Variants in TUBGCP3 observed in about 807,000 individuals in gnomAD.
TUBGCP3 encodes the protein gamma-tubulin complex component 3.
In TUBGCP3, 50 loss-of-function variants were observed where a neutral mutation model predicts 123.1. That is an observed-to-expected ratio of 0.41 (90% CI 0.32 to 0.51). The LOEUF (loss-of-function observed/expected upper bound fraction) is 0.51. Among genes scored for constraint, TUBGCP3 ranks in the 20% least tolerant of loss-of-function variants. TUBGCP3 has a pLI of 0.36. For missense variants in TUBGCP3, 882 were observed against 1,127.0 expected, an observed-to-expected ratio of 0.78 and a Z score of 3.11; for synonymous variants, 405 against 413.9, an observed-to-expected ratio of 0.98 and a Z score of 0.26.
intron 17 of TUBGCP3, among the ~76,000 whole-genome samples, chr13:112,505,668 G>A (rs1170636488): frequency 6.6e-6 from 1 of 152,238 alleles, no homozygotes; most frequent in Non-Finnish European, 1.5e-5. Context: ...AGCTTCGTCA[G>A]TAAAGAAAAG....
At chr13:112,525,687 T>C (rs1399722825) in intron 13 of TUBGCP3, among the ~76,000 whole-genome samples, 1 of 152,208 alleles carries the variant, frequency 6.6e-6, no homozygotes, top group Non-Finnish European at 1.5e-5. Context: ...GCCTCAGCAC[T>C]TCCCACAGGC....
intron 2 of TUBGCP3, 64 bp from the exon 3 acceptor site, chr13:112,565,242 T>C (rs1323910896): frequency 2.2e-5 from 31 of 1,388,748 alleles, no homozygotes; most frequent in Middle Eastern, 3.7e-4. Context: ...CTTATGATAC[T>C]ATTTCACCTA....
intron 1 of TUBGCP3, among the ~76,000 whole-genome samples, chr13:112,578,717 T>C (rs1438662097): frequency 6.6e-6 from 1 of 152,016 alleles, no homozygotes; most frequent in Non-Finnish European, 1.5e-5. Context: ...TGATCACCAA[T>C]AAATAGTCTG....
intron 16 of TUBGCP3, 109 bp downstream of exon 16, chr13:112,518,866 G>T: frequency 1.1e-6 from 1 of 901,964 alleles, no homozygotes; most frequent in South Asian, 1.4e-5. Flanking sequence ...CTTAGATGTC[G>T]AGTGATCACT....
At chr13:112,553,887 CA>C (rs1268322783) in intron 8 of TUBGCP3, among the ~76,000 whole-genome samples, 169 bp downstream of exon 8, 1 of 152,234 alleles carries the variant, frequency 6.6e-6, no homozygotes, top group East Asian at 1.9e-4. Context: ...GTGTCCTCAT[CA>C]GCACCTACTG....
intron 8 of TUBGCP3, 49 bp from the exon 9 acceptor site, chr13:112,548,225 T>C (rs1594180059): frequency 6.9e-7 from 1 of 1,450,116 alleles, no homozygotes; most frequent in Non-Finnish European, 9.5e-7. Flanking sequence ...CATTACACAT[T>C]GACTGATTTT....
chr13:112,556,436 T>C (rs1880053530), intron 5 of TUBGCP3, among the ~76,000 whole-genome samples: 1 of 152,178 alleles, frequency 6.6e-6, no homozygotes, highest in Non-Finnish European at 1.5e-5. Flanking sequence ...ACCCTTGGCC[T>C]AGCATTCGGA....
intron 2 of TUBGCP3, 41 bp downstream of exon 2, chr13:112,569,111 G>A: frequency 6.3e-7 from 1 of 1,597,410 alleles, no homozygotes; most frequent in Admixed American, 1.7e-5. Context: ...GCTCTGACGA[G>A]TTTAAGAATC....
intron 8 of TUBGCP3, among the ~76,000 whole-genome samples, chr13:112,552,762 G>C (rs955653033): frequency 6.7e-6 from 1 of 150,160 alleles, no homozygotes; most frequent in Non-Finnish European, 1.5e-5. Context: ...CTCCCCACCA[G>C]CCACGCTCCT....
chr13:112,587,469 C>T (rs1195697940), intron 1 of TUBGCP3: 1 of 164,338 alleles, frequency 6.1e-6, no homozygotes, highest in Non-Finnish European at 1.3e-5. Context: ...CTCTCCACCC[C>T]ACAGGATGAA....
At chr13:112,599,738 C>T in the TUBGCP3 span, among the ~76,000 whole-genome samples, 1 of 151,930 alleles carries the variant, frequency 6.6e-6, no homozygotes, top group South Asian at 2.1e-4. Context: ...CCAGGCTGGT[C>T]TCAAACTCCT....
chr13:112,551,759 G>A (rs934816425), intron 8 of TUBGCP3, among the ~76,000 whole-genome samples: 13 of 151,956 alleles, frequency 8.6e-5, no homozygotes, highest in East Asian at 1.9e-4. Context: ...TATGATAATC[G>A]ATAAGGAGAA....
intron 1 of TUBGCP3, among the ~76,000 whole-genome samples, chr13:112,578,558 C>CAAAAAAAAAAAAAAAAAAAA (rs71131496): frequency 4.0e-5 from 1 of 24,914 alleles, no homozygotes. Flanking sequence ...GACTCCGTCT[C>CAAAAAAAAAAAAAAAAAAAA]AAAAAAAAAA....
At position 112,511,771 on chromosome 13, in the gene TUBGCP3, C is replaced by T. The variant is rs895372643; in HGVS notation, c.2086+4669G>A. On this transcript the variant is annotated intron_variant, in intron 17 of 21. Transcript: ENST00000261965. This position sits in a 1 kb window ranked among gnomAD's most constrained non-coding sequence, Gnocchi z 4.1. Reference sequence around the variant, plus strand: ...TGGGCCAATCCAACCTTTTCAGATTCTGGGTCTCAGGCTGCTCTCCACTAT... The same window carrying T: ...TGGGCCAATCCAACCTTTTCAGATTTTGGGTCTCAGGCTGCTCTCCACTAT... 5.3e-5 allele frequency among the ~76,000 whole-genome samples: 8 copies of T among 152,184 alleles called. No homozygotes were observed. Among genetic ancestry groups the T allele is most frequent in the African/African-American group, 1.9e-4 (8 of 41,536 alleles).
chr13:112,511,706 A>G lies in TUBGCP3; in HGVS notation c.2086+4734T>C, dbSNP rs1191930674. Among the ~76,000 whole-genome samples, 2 of 152,124 alleles carry G rather than the reference A, an allele frequency of 1.3e-5. No individual in the cohort carries two copies. The highest frequency in any genetic ancestry group is 3.9e-4 in the East Asian group (2 of 5,190). ...ATGTAGTATGAGCTATTAAACCTTC[A>G]TTTACCTTATTATTCGATATATTGG... On this transcript the variant is annotated intron_variant, in intron 17 of 21. Coordinates refer to ENST00000261965, the MANE Select transcript of TUBGCP3 (RefSeq NM_006322.6). This position sits in a 1 kb window ranked among gnomAD's most constrained non-coding sequence, Gnocchi z 4.1.
intron 18 of TUBGCP3, 133 bp downstream of exon 18, chr13:112,504,485 CAAAAAAAA>C: frequency 2.8e-6 from 1 of 359,054 alleles, no homozygotes; most frequent in Non-Finnish European, 4.5e-6. Context: ...GACTCCATCT[CAAAAAAAA>C]AAAAAAAGAA....
intron 1 of TUBGCP3, among the ~76,000 whole-genome samples, chr13:112,579,981 G>C (rs1370736550): frequency 1.3e-5 from 2 of 152,154 alleles, no homozygotes; most frequent in African/African-American, 4.8e-5. Flanking sequence ...TCATACAATG[G>C]AACACTACTC....
intron 11 of TUBGCP3, among the ~76,000 whole-genome samples, chr13:112,539,650 G>A (rs2139141763): frequency 1.3e-5 from 2 of 152,248 alleles, no homozygotes; most frequent in Admixed American, 1.3e-4. Context: ...TCAGACCCTA[G>A]GTACGTGCAT....
At chr13:112,520,713 C>A (rs937512836) in intron 14 of TUBGCP3, among the ~76,000 whole-genome samples, 1 of 152,132 alleles carries the variant, frequency 6.6e-6, no homozygotes, top group African/African-American at 2.4e-5. Flanking sequence ...CAATTAGGTA[C>A]ATGGATGTCA....
Sources: gnomAD v4.1 joint callset for allele counts (sites outside exome capture counted in the v4.1 genomes callset) on GRCh38, gnomAD v4.1.1 for gene constraint, Gnocchi (gnomAD v3.1) non-coding constraint, MANE v1.5 for transcripts, NCBI Gene and HGNC (gene_info 2026-07-23, HGNC 2026-07-21) for gene names.